PCDHA8: variants seen among roughly 807,000 people sequenced by gnomAD.
The protein encoded by PCDHA8 is protocadherin alpha 8, also known as protocadherin alpha-8.
In PCDHA8, 53 loss-of-function variants were observed where a neutral mutation model predicts 61.8. That is an observed-to-expected ratio of 0.86 (90% CI 0.69 to 1.08). The LOEUF (loss-of-function observed/expected upper bound fraction) is 1.08, where lower values mean the gene tolerates loss of function less well. Among genes scored for constraint, PCDHA8 ranks in the 50% least tolerant of loss-of-function variants. The probability of loss-of-function intolerance (pLI) is 0.00; values close to 1 mark genes in which losing one functional copy is unlikely to be tolerated. For synonymous variants in PCDHA8, 618 were observed against 556.6 expected (o/e 1.11, Z -1.55); for missense variants, 1,293 against 1,245.0 (o/e 1.04, Z -0.58).
At position 140,997,506 on chromosome 5, in the gene PCDHA8, T is replaced by A. The variant is rs147089901; in HGVS notation, c.2543-12121T>A. On this transcript the variant is annotated intron_variant, in intron 3 of 3. Coordinates refer to ENST00000531613, the MANE Select transcript of PCDHA8 (RefSeq NM_018911.3). ...AAGTATTTGTGTATCTCAACATACC[T>A]AAACGCAGAAAAAGTACAATAAAAA... Among the ~76,000 whole-genome samples the A allele has an allele frequency of 4.4e-3, 665 of 152,304 alleles. 5 individuals are homozygous for A. Among genetic ancestry groups the A allele is most frequent in the African/African-American group, 0.015 (619 of 41,574 alleles).
intron 1 of PCDHA8, among the ~76,000 whole-genome samples, chr5:140,935,203 A>T (rs1403808889): frequency 6.6e-6 from 1 of 152,160 alleles, no homozygotes; most frequent in African/African-American, 2.4e-5. Flanking sequence ...GTTTCTAGGT[A>T]TCTTCAGCTA....
chr5:140,858,218 G>A, intron 1 of PCDHA8: 1 of 1,596,494 alleles, frequency 6.3e-7, no homozygotes. Context: ...GTGCTCGGCG[G>A]CGCCCACCGA....
chr5:140,848,135 C>CT, intron 1 of PCDHA8: 1 of 194,926 alleles, frequency 5.1e-6, no homozygotes, highest in Non-Finnish European at 1.1e-5. Flanking sequence ...TCATACAAAA[C>CT]TTTTAGAGGC....
Position 140,856,935 on chromosome 5 carries a change from A to G in PCDHA8, c.2394+13220A>G, listed in dbSNP as rs1554149306. 4 of 1,594,120 alleles carry G rather than the reference A, an allele frequency of 2.5e-6. 1 individual carries two copies. The African/African-American group carries it at 5.4e-5, about 21-fold the overall frequency. ...ATAAGAAGGAAATTTTGGATAAACGAAAGGACGGGAGAAATAAAAGTAAAT... is the reference window on the plus strand; with the variant it reads ...ATAAGAAGGAAATTTTGGATAAACGGAAGGACGGGAGAAATAAAAGTAAAT... On this transcript the variant is annotated intron_variant, in intron 1 of 3. Transcript: ENST00000531613.
chr5:140,882,127 C>A (rs2058964637), intron 1 of PCDHA8: 23 of 1,464,566 alleles, frequency 1.6e-5, no homozygotes, highest in Admixed American at 4.6e-5. Flanking sequence ...TTTCTTTCTT[C>A]CTGCAGAAAA....
At chr5:140,992,918 A>C (rs1362238628) in intron 3 of PCDHA8, among the ~76,000 whole-genome samples, 2 of 152,186 alleles carry the variant, frequency 1.3e-5, no homozygotes, top group Non-Finnish European at 2.9e-5. Context: ...GGCCCTCTCC[A>C]TACTTACAGC....
At chr5:140,891,970 C>T (rs1554185021) in intron 1 of PCDHA8, among the ~76,000 whole-genome samples, 1 of 152,168 alleles carries the variant, frequency 6.6e-6, no homozygotes, top group African/African-American at 2.4e-5. Flanking sequence ...AGTAAATTTC[C>T]GTTCTCATAA....
At chr5:140,879,799 G>C (rs1165330277) in intron 1 of PCDHA8, among the ~76,000 whole-genome samples, 5 of 152,188 alleles carry the variant, frequency 3.3e-5, no homozygotes, top group Non-Finnish European at 7.3e-5. Flanking sequence ...GTTTCTTCCA[G>C]TTTCTATTGG....
intron 3 of PCDHA8, among the ~76,000 whole-genome samples, chr5:140,986,982 G>A (rs782173410): frequency 3.9e-5 from 6 of 152,164 alleles, no homozygotes; most frequent in Non-Finnish European, 8.8e-5. Context: ...GGGAGGCCAA[G>A]GCAGGCAGAT....
At chr5:140,850,654 T>G in intron 1 of PCDHA8, 1 of 1,598,638 alleles carries the variant, frequency 6.3e-7, no homozygotes, top group Non-Finnish European at 8.6e-7. Flanking sequence ...CTGTACACTG[T>G]GCTGCGGTGC....
In PCDHA8 at chr5:140,843,500, C is replaced by T; in HGVS notation, c.2179C>T (p.Pro727Ser). 2 of 1,596,010 alleles carry T rather than the reference C, an allele frequency of 1.3e-6. No homozygotes were observed. The highest frequency in any genetic ancestry group is 1.1e-5 in the South Asian group (1 of 90,490). ...LYTALRCSAL[P>S]TEGGCRAGKP... ...CACTGCGCTGCGGTGCTCAGCACTG[C>T]CCACTGAGGGCGGGTGCCGGGCGGG... The change falls in exon 1 of 4, where the codon CCC becomes TCC. Residue 727 changes from proline to serine, a missense_variant. Physicochemically the swap from Pro to Ser is moderately conservative, Grantham distance 74. Coordinates refer to ENST00000531613, the MANE Select transcript of PCDHA8 (RefSeq NM_018911.3).
chr5:140,965,855 T>G (rs961780781), intron 1 of PCDHA8, among the ~76,000 whole-genome samples: 1 of 152,226 alleles, frequency 6.6e-6, no homozygotes, highest in African/African-American at 2.4e-5. Context: ...AGGCACACAC[T>G]GAAAATAAGG....
chr5:140,862,365 G>C, intron 1 of PCDHA8: 1 of 337,898 alleles, frequency 3.0e-6, no homozygotes, highest in South Asian at 2.4e-5. Flanking sequence ...CAGACGACCC[G>C]CACCCTGACT....
chr5:140,853,929 G>GATTGC, intron 1 of PCDHA8: 1 of 896,830 alleles, frequency 1.1e-6, no homozygotes, highest in Non-Finnish European at 1.4e-6. Context: ...AACATTTTGG[G>GATTGC]AGGCCAAGGT....
At chr5:140,869,179 G>A (rs782530772) in intron 1 of PCDHA8, 12 of 1,613,988 alleles carry the variant, frequency 7.4e-6, no homozygotes, top group Middle Eastern at 1.7e-4. Context: ...ATTCTGGGAG[G>A]TGGGGAGCGG....
chr5:140,881,282 G>A, intron 1 of PCDHA8: 1 of 795,028 alleles, frequency 1.3e-6, no homozygotes, highest in Non-Finnish European at 1.5e-6. Context: ...GTAAGATGGA[G>A]AGAGAAAATG....
intron 1 of PCDHA8, chr5:140,871,156 G>A (rs200268029): frequency 4.7e-5 from 76 of 1,613,328 alleles, no homozygotes; most frequent in Admixed American, 3.0e-4. Context: ...TTTGGCGGGC[G>A]CCGCGAGCCC....
chr5:140,876,829 C>T (rs782699472), intron 1 of PCDHA8: 2 of 1,614,196 alleles, frequency 1.2e-6, no homozygotes, highest in Non-Finnish European at 1.7e-6. Context: ...CGACAATGCG[C>T]CTGCGTTCGC....
intron 1 of PCDHA8, chr5:140,930,401 T>G (rs1554207785): frequency 6.6e-6 from 1 of 152,210 alleles, no homozygotes; most frequent in African/African-American, 2.4e-5. Context: ...TTCTTTTTTT[T>G]TTTTGAGACA....
Sources: allele counts gnomAD v4.1 joint callset (sites outside exome capture counted in the v4.1 genomes callset), GRCh38; gene constraint gnomAD v4.1.1; transcripts MANE v1.5; gene names NCBI Gene and HGNC (gene_info 2026-07-23, HGNC 2026-07-21).